NAA16: variants seen among roughly 807,000 people sequenced by gnomAD.
The protein encoded by NAA16 is NARG1-like protein.
Under a neutral mutation model 110.3 loss-of-function variants are expected in NAA16, and 97 were observed. The observed-to-expected ratio is 0.88, with a 90% confidence interval of 0.75 to 1.04. NAA16 has a LOEUF of 1.04. Among genes scored for constraint, NAA16 ranks in the 50% least tolerant of loss-of-function variants. The pLI is 0.00. For missense variants in NAA16, 1,017 were observed against 1,005.1 expected (o/e 1.01, Z -0.16); for synonymous variants, 372 against 330.6 (o/e 1.13, Z -1.36).
Position 41,311,415 on chromosome 13 carries a change from C to A in NAA16, c.-114C>A, listed in dbSNP as rs2041551405. ...GCAACTGTAGACCAATGAACTAATC[C>A]ATCGCCCGCAGCCCGACTCTCAGCA... is the stretch of plus-strand genomic sequence containing the variant. On this transcript the variant is annotated 5_prime_UTR_variant, in exon 1 of 20. Coordinates refer to ENST00000379406, the MANE Select transcript of NAA16 (RefSeq NM_024561.5). 1 of 990,662 alleles carries A rather than the reference C, an allele frequency of 1.0e-6. No homozygotes were observed. Among genetic ancestry groups the A allele is most frequent in the Non-Finnish European group, 1.5e-6 (1 of 656,968 alleles). 61.4% of individuals were successfully genotyped at this position (990,662 alleles called of 1,614,324 possible). A position where few individuals can be genotyped will look rare whatever the true frequency, so the allele number is the denominator to read the frequency against.
chr13:41,359,674 C>T lies in NAA16; in HGVS notation c.1410+712C>T, dbSNP rs566280938. Among the ~76,000 whole-genome samples, 34 of 152,154 alleles carry T rather than the reference C, an allele frequency of 2.2e-4. No homozygotes were observed. In the South Asian group the frequency reaches 2.9e-3, roughly 13 times the overall value. ...CAATATCCCTCTCTGTCACTGTACA[C>T]GAATCAGTTCCAGGTGGATTAAAGA... On this transcript the variant is annotated intron_variant, in intron 12 of 19. Transcript: ENST00000379406.
intron 18 of NAA16, among the ~76,000 whole-genome samples, chr13:41,374,089 G>T (rs930600337): frequency 2.0e-5 from 3 of 151,232 alleles, no homozygotes; most frequent in Non-Finnish European, 4.4e-5. Flanking sequence ...GAAAGGAAGT[G>T]TCTACGAAAG....
intron 9 of NAA16, among the ~76,000 whole-genome samples, chr13:41,343,637 C>G (rs4942033): frequency 0.95 from 144,215 of 152,248 alleles, 68,373 homozygotes; most frequent in South Asian, 0.99. Context: ...TCAAGTGATT[C>G]TCCTGCCTCA....
At chr13:41,318,951 G>C (rs571989071) in intron 3 of NAA16, 41 bp downstream of exon 3, 1 of 1,296,222 alleles carries the variant, frequency 7.7e-7, no homozygotes, top group African/African-American at 1.5e-5. Flanking sequence ...GTTTTAGCTA[G>C]TTTTTTCCTA....
intron 6 of NAA16, 46 bp from the exon 7 acceptor site, chr13:41,328,678 A>T: frequency 6.7e-7 from 1 of 1,496,960 alleles, no homozygotes; most frequent in Non-Finnish European, 9.2e-7. Context: ...GGGGTCAGAT[A>T]GATATTTAAT....
rs2065498 is a variant in NAA16, at chr13:41,318,969, T to G, written c.244+59T>G. On this transcript the variant is annotated intron_variant, in intron 3 of 19. Transcript: ENST00000379406. ...TTAGCTAGTTTTTTCCTAATTCAAA[T>G]TAAATTTGTACTATGAAAATTCCAA... 0.81 allele frequency: 886,855 copies of G among 1,096,088 alleles called. 365,448 individuals are homozygous for G. The highest frequency in any genetic ancestry group is 0.91 in the South Asian group (54,349 of 59,870). The allele number at this position is 1,096,088 out of a possible 1,614,324, so 67.9% of individuals were successfully genotyped here. A position where few individuals can be genotyped will look rare whatever the true frequency, so the allele number is the denominator to read the frequency against.
intron 13 of NAA16, 133 bp downstream of exon 13, chr13:41,362,292 C>T (rs1020324886): frequency 2.3e-6 from 2 of 871,114 alleles, no homozygotes; most frequent in East Asian, 5.8e-5. Flanking sequence ...GATCTTTAAC[C>T]TTTACATTCA....
intron 1 of NAA16, 49 bp downstream of exon 1, chr13:41,311,631 G>C (rs1566232176): frequency 6.4e-7 from 1 of 1,553,020 alleles, no homozygotes; most frequent in East Asian, 2.4e-5. Context: ...CGGGTCCTCG[G>C]GCCTTAAGGG....
intron 4 of NAA16, among the ~76,000 whole-genome samples, chr13:41,322,117 T>C (rs2041961422): frequency 6.6e-6 from 1 of 152,132 alleles, no homozygotes; most frequent in Non-Finnish European, 1.5e-5. Context: ...GGCTTGGTAT[T>C]ACGTGTCTTA....
intron 4 of NAA16, 53 bp downstream of exon 4, chr13:41,320,877 A>C: frequency 6.7e-7 from 1 of 1,491,758 alleles, no homozygotes; most frequent in South Asian, 1.3e-5. Context: ...AAAATTTAAG[A>C]GCGTGTCATT....
At chr13:41,336,922 C>G (rs1479479523) in intron 9 of NAA16, among the ~76,000 whole-genome samples, 166 bp downstream of exon 9, 4 of 152,008 alleles carry the variant, frequency 2.6e-5, no homozygotes, top group African/African-American at 7.3e-5. Context: ...TAAGTAATAT[C>G]AAAGTAAAGG....
intron 9 of NAA16, among the ~76,000 whole-genome samples, chr13:41,340,269 CA>C (rs1213730429): frequency 6.6e-6 from 1 of 152,048 alleles, no homozygotes; most frequent in Admixed American, 6.6e-5. Context: ...TTGATCTTTT[CA>C]AAAAACCAGC....
chr13:41,352,756 A>G (rs1410863343), intron 9 of NAA16, among the ~76,000 whole-genome samples: 2 of 152,166 alleles, frequency 1.3e-5, no homozygotes, highest in African/African-American at 4.8e-5. Context: ...TGTAGGAGAT[A>G]TCCTATGAAT....
chr13:41,363,618 G>GA (rs1259301780), intron 13 of NAA16, among the ~76,000 whole-genome samples: 1 of 151,914 alleles, frequency 6.6e-6, no homozygotes, highest in Non-Finnish European at 1.5e-5. Flanking sequence ...GAGTTGCATG[G>GA]AAAAAAATTC....
intron 2 of NAA16, among the ~76,000 whole-genome samples, chr13:41,317,297 T>C (rs1331335229): frequency 6.6e-6 from 1 of 152,194 alleles, no homozygotes; most frequent in African/African-American, 2.4e-5. Context: ...TATGAAGATA[T>C]GGTCACCTGC....
At chr13:41,349,323 C>T (rs1355560122) in intron 9 of NAA16, among the ~76,000 whole-genome samples, 1 of 151,898 alleles carries the variant, frequency 6.6e-6, no homozygotes, top group Non-Finnish European at 1.5e-5. Context: ...GTAGCTGGGA[C>T]TACAGGCATG....
At chr13:41,318,459 C>T (rs140015455) in intron 2 of NAA16, among the ~76,000 whole-genome samples, 306 of 152,288 alleles carry the variant, frequency 2.0e-3, no homozygotes, top group African/African-American at 6.8e-3. Flanking sequence ...GCCTCAGCCT[C>T]CCTGAGTGCT....
chr13:41,327,019 C>T (rs1031190029), intron 6 of NAA16, among the ~76,000 whole-genome samples: 5 of 152,090 alleles, frequency 3.3e-5, no homozygotes, highest in East Asian at 1.9e-4. Flanking sequence ...TGGAATCATA[C>T]GGTATGTAGC....
At chr13:41,342,498 T>C (rs1171806270) in intron 9 of NAA16, among the ~76,000 whole-genome samples, 1 of 152,194 alleles carries the variant, frequency 6.6e-6, no homozygotes, top group East Asian at 1.9e-4. Context: ...GTCCATTTCT[T>C]CTAAGTGTGA....
Sources: allele counts gnomAD v4.1 joint callset (sites outside exome capture counted in the v4.1 genomes callset), GRCh38; gene constraint gnomAD v4.1.1; transcripts MANE v1.5; gene names NCBI Gene and HGNC (gene_info 2026-07-23, HGNC 2026-07-21).